The following INPP4B variants were observed in gnomAD, a reference collection of about 807,000 sequenced individuals.
INPP4B encodes inositol polyphosphate-4-phosphatase type II B.
In INPP4B, 55 loss-of-function variants were observed where a neutral mutation model predicts 122.5. The ratio of observed to expected loss-of-function variants is 0.45; its 90% confidence interval spans 0.36 to 0.56. The LOEUF (loss-of-function observed/expected upper bound fraction) is 0.56, where lower values mean the gene tolerates loss of function less well. Among genes scored for constraint, INPP4B ranks in the 20% least tolerant of loss-of-function variants. The pLI is 0.00. For synonymous variants in INPP4B, 403 were observed against 388.7 expected, an observed-to-expected ratio of 1.04 and a Z score of -0.43; for missense variants, 1,000 against 1,097.7, an observed-to-expected ratio of 0.91 and a Z score of 1.26.
chr4:142,583,232 C>G (rs1735471362), intron 2 of INPP4B, among the ~76,000 whole-genome samples: 1 of 152,180 alleles, frequency 6.6e-6, no homozygotes, highest in Non-Finnish European at 1.5e-5. Context: ...ACTACAGTAA[C>G]TTTGAGACCT....
At chr4:142,542,791 T>G (rs1829092825) in intron 2 of INPP4B, among the ~76,000 whole-genome samples, 1 of 152,164 alleles carries the variant, frequency 6.6e-6, no homozygotes, top group South Asian at 2.1e-4. Context: ...ATAACTAGAT[T>G]GTCATCTCCT....
intron 1 of INPP4B, among the ~76,000 whole-genome samples, chr4:142,787,636 C>A (rs940268215): frequency 6.6e-6 from 1 of 151,922 alleles, no homozygotes; most frequent in African/African-American, 2.4e-5. Context: ...GTTTATGCAG[C>A]AATAGTTGGG....
intron 2 of INPP4B, among the ~76,000 whole-genome samples, chr4:142,649,380 T>C (rs1752460514): frequency 6.6e-6 from 1 of 152,180 alleles, no homozygotes; most frequent in South Asian, 2.1e-4. Context: ...CTTTGACAAG[T>C]TGACAGAAGT....
At position 142,359,224 on chromosome 4, in the gene INPP4B, AC is replaced by A. The variant is rs1485147996; in HGVS notation, c.372+43713del. On this transcript the variant is annotated intron_variant, in intron 7 of 25. Coordinates refer to ENST00000262992, the MANE Select transcript of INPP4B (RefSeq NM_001101669.3). ...ACACTGGCAAAAAACAAACAAACAA[AC>A]AAAAAAAAAAAACAGGCTCTGGAGC... Among the ~76,000 whole-genome samples, 12 of 148,096 alleles carry A rather than the reference AC, an allele frequency of 8.1e-5. No homozygotes were observed. The East Asian group carries it at 1.2e-3, about 15-fold the overall frequency.
At chr4:142,332,800 C>T (rs964535932) in intron 7 of INPP4B, among the ~76,000 whole-genome samples, 2 of 149,028 alleles carry the variant, frequency 1.3e-5, no homozygotes, top group African/African-American at 2.5e-5. Context: ...GTCAGGAGAT[C>T]GAGACCAACC....
intron 2 of INPP4B, among the ~76,000 whole-genome samples, chr4:142,530,579 A>G (rs1189908137): frequency 6.1e-5 from 9 of 148,044 alleles, no homozygotes; most frequent in Admixed American, 5.4e-4. Context: ...ATATATATAT[A>G]CACACACACA....
At chr4:142,373,143 G>A (rs930461693) in intron 7 of INPP4B, among the ~76,000 whole-genome samples, 2 of 151,952 alleles carry the variant, frequency 1.3e-5, no homozygotes, top group Non-Finnish European at 1.5e-5. Context: ...GCAGCATAGT[G>A]GAAAGAGCTC....
Position 142,712,633 on chromosome 4 carries a change from T to C in INPP4B, c.-191+13206A>G, listed in dbSNP as rs777385733. 1.4e-4 allele frequency among the ~76,000 whole-genome samples: 21 copies of C among 152,226 alleles called. 1 individual carries two copies. The highest frequency in any genetic ancestry group is 2.6e-4 in the Admixed American group (4 of 15,282). ...TTATTGTCTCATGAATTCTAGCCAA[T>C]CACAAACGTACTTGTTTTCCTTTTT... On this transcript the variant is annotated intron_variant, in intron 2 of 25. Transcript: ENST00000262992.
At position 142,193,095 on chromosome 4, in the gene INPP4B, T is replaced by C. The variant is rs140630261; in HGVS notation, c.1173A>G (p.Glu391=). ...LRKLLHRFET[E]RRNTGYQFIY... ...CTCCTGTCTTTACTTACTTTCTTCT[T>C]TCTGTTTCAAATCTATGGAGTAGCT... Residue 391 remains glutamate (E), a synonymous_variant, in exon 15 of 26, where the codon GAA becomes GAG. Coordinates refer to ENST00000262992, the MANE Select transcript of INPP4B (RefSeq NM_001101669.3). 7 of 1,597,342 alleles carry C rather than the reference T, an allele frequency of 4.4e-6. No individual in the cohort carries two copies. Among genetic ancestry groups the C allele is most frequent in the Middle Eastern group, 3.3e-4 (2 of 6,030 alleles).
In INPP4B at chr4:142,309,711, T is replaced by G. The variant is rs527706862; in HGVS notation, c.424-4174A>C. ...ACTCTCTGCCTGCACGACATGCAGC[T>G]CTAGCCTTTCTTGCCTGCTCATGAC... On this transcript the variant is annotated intron_variant, in intron 8 of 25. Transcript: ENST00000262992. Among the ~76,000 whole-genome samples the G allele has an allele frequency of 5.9e-5, 9 of 152,320 alleles. No homozygotes were observed. The South Asian group carries it at 1.7e-3, about 28-fold the overall frequency.
intron 8 of INPP4B, among the ~76,000 whole-genome samples, chr4:142,310,221 A>T (rs1352682715): frequency 6.6e-6 from 1 of 152,070 alleles, no homozygotes; most frequent in East Asian, 1.9e-4. Flanking sequence ...CACTGGCTTT[A>T]GCATGTAAAA....
intron 7 of INPP4B, among the ~76,000 whole-genome samples, chr4:142,338,179 A>G (rs1014265831): frequency 6.6e-6 from 1 of 152,138 alleles, no homozygotes; most frequent in African/African-American, 2.4e-5. Flanking sequence ...GACTTTAAAA[A>G]ATTATGTGAT....
At chr4:142,629,469 T>TAACCTA (rs1314830239) in intron 2 of INPP4B, among the ~76,000 whole-genome samples, 1 of 151,962 alleles carries the variant, frequency 6.6e-6, no homozygotes, top group Admixed American at 6.6e-5. Flanking sequence ...TATTTCTAGA[T>TAACCTA]GAGATGAAGG....
chr4:142,661,179 T>TA (rs1219788080), intron 2 of INPP4B, among the ~76,000 whole-genome samples: 6 of 152,162 alleles, frequency 3.9e-5, no homozygotes, highest in African/African-American at 1.4e-4. Context: ...AACCCTATTT[T>TA]GCTCACCCTT....
intron 2 of INPP4B, among the ~76,000 whole-genome samples, chr4:142,682,794 G>A (rs930708986): frequency 6.6e-6 from 1 of 151,822 alleles, no homozygotes; most frequent in Non-Finnish European, 1.5e-5. Context: ...TTCTGTTTTG[G>A]AAATTTGATG....
chr4:142,567,986 G>A (rs1245475568), intron 2 of INPP4B, among the ~76,000 whole-genome samples: 1 of 152,082 alleles, frequency 6.6e-6, no homozygotes, highest in Non-Finnish European at 1.5e-5. Context: ...GTTAATAAGA[G>A]CTGAATGCTT....
intron 1 of INPP4B, among the ~76,000 whole-genome samples, chr4:142,735,971 A>G (rs1766820174): frequency 6.7e-6 from 1 of 148,246 alleles, no homozygotes. Context: ...ACACACATCC[A>G]CCACTATTCT....
chr4:142,468,826 G>A (rs924319336), intron 2 of INPP4B, among the ~76,000 whole-genome samples: 11 of 152,142 alleles, frequency 7.2e-5, no homozygotes, highest in African/African-American at 2.2e-4. Context: ...AAATAATCCA[G>A]CCTCAGGTGT....
intron 1 of INPP4B, among the ~76,000 whole-genome samples, chr4:142,728,731 A>G (rs1765666959): frequency 6.6e-6 from 1 of 152,152 alleles, no homozygotes; most frequent in African/African-American, 2.4e-5. Context: ...AAAGAAAGGC[A>G]TCAAGCAGAT....
Sources: allele counts gnomAD v4.1 joint callset (sites outside exome capture counted in the v4.1 genomes callset), GRCh38; gene constraint gnomAD v4.1.1; transcripts MANE v1.5; gene names NCBI Gene and HGNC (gene_info 2026-07-23, HGNC 2026-07-21).